Variants in CAMKK1 observed in about 807,000 individuals in gnomAD.
CAMKK1 encodes the protein calcium/calmodulin dependent protein kinase kinase 1.
Under a neutral mutation model 63.5 loss-of-function variants are expected in CAMKK1, and 20 were observed. The ratio of observed to expected loss-of-function variants is 0.32; its 90% CI spans 0.22 to 0.46. The LOEUF (loss-of-function observed/expected upper bound fraction) is 0.46, where lower values mean the gene tolerates loss of function less well. Among genes scored for constraint, CAMKK1 ranks in the 20% least tolerant of loss-of-function variants. CAMKK1 has a pLI of 1.00. For synonymous variants in CAMKK1, 253 were observed against 269.0 expected, an observed-to-expected ratio of 0.94 and a Z score of 0.58; for missense variants, 588 against 658.1, an observed-to-expected ratio of 0.89 and a Z score of 1.17.
rs2055351686 is a variant in CAMKK1, at chr17:3,880,320, C to T, written c.796+26G>A. ...CTGCCAGATCCCCTAGCCCCAGCCC[C>T]AGTGGGCAAGCTGCCCCGCACTCAC... On this transcript the variant is annotated intron_variant, in intron 9 of 15. Transcript: ENST00000348335. 1.9e-6 allele frequency: 3 copies of T among 1,602,454 alleles called. No individual in the cohort carries two copies. The South Asian group carries it at 3.3e-5, about 18-fold the overall frequency.
chr17:3,866,035 G>C (rs756098279), intron 14 of CAMKK1, 24 bp from the exon 15 acceptor site: 1 of 1,611,728 alleles, frequency 6.2e-7, no homozygotes, highest in East Asian at 2.2e-5. Context: ...GGCAGCGTGA[G>C]GAGCACAGGT....
At position 3,873,391 on chromosome 17, in the gene CAMKK1, G is replaced by C. The variant is rs767001689; in HGVS notation, c.1050+18C>G. 8 of 1,613,198 alleles carry C rather than the reference G, an allele frequency of 5.0e-6. No individual in the cohort carries two copies. The African/African-American group carries it at 1.1e-4, about 22-fold the overall frequency. The stretch of plus-strand genomic sequence containing the variant: ...TCACTGGACCCGCCCCAGCTCTGCT[G>C]GCATCCCTGGCACTCACCTTCCCAT... On this transcript the variant is annotated intron_variant, in intron 11 of 15. Coordinates refer to ENST00000348335, the MANE Select transcript of CAMKK1 (RefSeq NM_032294.3).
chr17:3,891,366 G>A (rs1175150886), intron 1 of CAMKK1, among the ~76,000 whole-genome samples: 5 of 152,208 alleles, frequency 3.3e-5, no homozygotes, highest in African/African-American at 4.8e-5. Context: ...ATACAGCCGA[G>A]TAAGAAGGAT....
Position 3,884,312 on chromosome 17 carries a change from C to T in CAMKK1, c.408+68G>A, listed in dbSNP as rs370829591. ...GCTCTGCCTCCCGTTCCCTCCCACA[C>T]GAGAGAAGGAGCAGCGCCAAACAGA... On this transcript the variant is annotated intron_variant, in intron 3 of 15. Coordinates refer to ENST00000348335, the MANE Select transcript of CAMKK1 (RefSeq NM_032294.3). The surrounding 1 kb of genome is among the most constrained non-coding windows in gnomAD (Gnocchi z 4.5). The T allele has an allele frequency of 4.0e-5, 61 of 1,541,646 alleles. No homozygotes were observed. Among genetic ancestry groups the T allele is most frequent in the Middle Eastern group, 1.7e-4 (1 of 5,922 alleles).
intron 12 of CAMKK1, among the ~76,000 whole-genome samples, chr17:3,871,386 G>A (rs1440827338): frequency 3.5e-5 from 4 of 113,156 alleles, no homozygotes; most frequent in Non-Finnish European, 5.0e-5. Flanking sequence ...ACAGAGTCTC[G>A]CTCTGTCGCC....
rs1167047906 is a variant in CAMKK1 at position 3,892,004 on chromosome 17, G to A, written c.-44+935C>T. On this transcript the variant is annotated intron_variant, in intron 1 of 15. Coordinates refer to ENST00000348335, the MANE Select transcript of CAMKK1 (RefSeq NM_032294.3). This position sits in a 1 kb window ranked among gnomAD's most constrained non-coding sequence, Gnocchi z 7.5. ...AGTGTGTGCGCCTGGGACGCAGTGG[G>A]GGGTCAATTTGTATGTACTGGAGGA... is the stretch of plus-strand genomic sequence containing the variant. 6.6e-6 allele frequency among the ~76,000 whole-genome samples: 1 copy of A among 152,136 alleles called. No individual in the cohort carries two copies. Among genetic ancestry groups the A allele is most frequent in the Non-Finnish European group, 1.5e-5 (1 of 68,012 alleles).
intron 15 of CAMKK1, among the ~76,000 whole-genome samples, chr17:3,863,046 C>T (rs1306198904): frequency 6.6e-6 from 1 of 152,246 alleles, no homozygotes; most frequent in Non-Finnish European, 1.5e-5. Context: ...ATCTATCAGT[C>T]TTGGGATTCT....
chr17:3,866,121 A>G, intron 14 of CAMKK1, 110 bp from the exon 15 acceptor site: 1 of 1,270,486 alleles, frequency 7.9e-7, no homozygotes, highest in South Asian at 1.3e-5. Flanking sequence ...TGCGGGTCCC[A>G]TCTCAATCAG....
chr17:3,880,256 G>C (rs2055348131), intron 9 of CAMKK1, 90 bp downstream of exon 9: 6 of 1,092,066 alleles, frequency 5.5e-6, no homozygotes, highest in Admixed American at 1.9e-5. Context: ...TCTGACTGAC[G>C]GGAGCTGCTC....
chr17:3,876,429 A>G lies in CAMKK1; in HGVS notation c.797-7T>C, dbSNP rs1268473340. On this transcript the variant is annotated splice_polypyrimidine_tract_variant and splice_region_variant and intron_variant, in intron 9 of 15. Coordinates refer to ENST00000348335, the MANE Select transcript of CAMKK1 (RefSeq NM_032294.3). ...ACGATCTTCTGGCAGTGCACTGCAG[A>G]GAAGGGGAGCTTGAGCTGAGCGCTG... 1 of 1,613,166 alleles carries G rather than the reference A, an allele frequency of 6.2e-7. No individual in the cohort carries two copies. Among genetic ancestry groups the G allele is most frequent in the Non-Finnish European group, 8.5e-7 (1 of 1,179,278 alleles).
intron 14 of CAMKK1, among the ~76,000 whole-genome samples, chr17:3,868,370 G>A (rs77679214): frequency 5.3e-5 from 7 of 133,244 alleles, no homozygotes; most frequent in East Asian, 2.5e-4. Flanking sequence ...ATACGCGGGC[G>A]CTGGGGGAGA....
chr17:3,881,336 C>T (rs1030901641), intron 8 of CAMKK1, among the ~76,000 whole-genome samples: 8 of 152,120 alleles, frequency 5.3e-5, no homozygotes, highest in Admixed American at 6.5e-5. Flanking sequence ...ATACTTTTAC[C>T]TAAAAAACAC....
rs1350201916 is a variant in CAMKK1, at chr17:3,883,865, C to G, written c.462+19G>C. On this transcript the variant is annotated intron_variant, in intron 4 of 15. Coordinates refer to ENST00000348335, the MANE Select transcript of CAMKK1 (RefSeq NM_032294.3). This position sits in a 1 kb window ranked among gnomAD's most constrained non-coding sequence, Gnocchi z 4.7. ...AGGGCCTGGCTTGGGCAACACCTCCCTCGTATCCCCAGACTCACATAGTGT... is the reference window on the plus strand; with the variant it reads ...AGGGCCTGGCTTGGGCAACACCTCCGTCGTATCCCCAGACTCACATAGTGT... The G allele has an allele frequency of 6.2e-7, 1 of 1,613,496 alleles. No homozygotes were observed. Among genetic ancestry groups the G allele is most frequent in the Non-Finnish European group, 8.5e-7 (1 of 1,179,784 alleles).
intron 9 of CAMKK1, 132 bp downstream of exon 9, chr17:3,880,214 C>T: frequency 1.3e-6 from 1 of 751,852 alleles, no homozygotes. Context: ...CGTGCATGCC[C>T]CACTCCCACT....
At chr17:3,872,694 C>T in intron 11 of CAMKK1, 67 bp from the exon 12 acceptor site, 2 of 1,416,690 alleles carry the variant, frequency 1.4e-6, no homozygotes, top group Non-Finnish European at 2.0e-6. Flanking sequence ...GGGATCAACC[C>T]CCCTCCCTTG....
At position 3,890,605 on chromosome 17, in the gene CAMKK1, C is replaced by T. The variant is rs921305114; in HGVS notation, c.-44+2334G>A. ...GGGTACCACACCCTCCCCATTCTTT[C>T]CTGACCCAGGTCAGCAATCCGGGAG... On this transcript the variant is annotated intron_variant, in intron 1 of 15. Coordinates refer to ENST00000348335, the MANE Select transcript of CAMKK1 (RefSeq NM_032294.3). The surrounding 1 kb of genome is among the most constrained non-coding windows in gnomAD (Gnocchi z 6.5). 10 of 778,388 alleles carry T rather than the reference C, an allele frequency of 1.3e-5. No individual in the cohort carries two copies. The East Asian group carries it at 2.4e-4, about 19-fold the overall frequency. The allele number at this position is 778,388 out of a possible 1,614,324, so 48.2% of individuals were successfully genotyped here.
chr17:3,865,157 T>G, intron 15 of CAMKK1: 1 of 985,680 alleles, frequency 1.0e-6, no homozygotes, highest in Non-Finnish European at 1.2e-6. Context: ...ACAGGCCTTA[T>G]TAGCATCCCA....
At chr17:3,885,293 G>T in intron 2 of CAMKK1, 35 bp downstream of exon 2, 3 of 1,544,312 alleles carry the variant, frequency 1.9e-6, no homozygotes, top group South Asian at 2.5e-5. Context: ...ACTACTGAGG[G>T]GCTCATGAAC....
At position 3,882,124 on chromosome 17, in the gene CAMKK1, T is replaced by C. The variant is rs1381352274; in HGVS notation, c.685+404A>G. ...AGGATAATAACGAATGTGCTTTACA[T>C]ATAATTACTCATTTACTCTTCACAG... On this transcript the variant is annotated intron_variant, in intron 7 of 15. Coordinates refer to ENST00000348335, the MANE Select transcript of CAMKK1 (RefSeq NM_032294.3). This position sits in a 1 kb window ranked among gnomAD's most constrained non-coding sequence, Gnocchi z 4.3. 9.6e-6 allele frequency: 6 copies of C among 621,846 alleles called. No homozygotes were observed. In the East Asian group the frequency reaches 1.1e-4, roughly 11 times the overall value. The allele number at this position is 621,846 out of a possible 1,614,324, so 38.5% of individuals were successfully genotyped here.
Sources: gnomAD v4.1 joint callset for allele counts (sites outside exome capture counted in the v4.1 genomes callset) on GRCh38, gnomAD v4.1.1 for gene constraint, Gnocchi (gnomAD v3.1) non-coding constraint, MANE v1.5 for transcripts, NCBI Gene and HGNC (gene_info 2026-07-23, HGNC 2026-07-21) for gene names.